SFMBT2: variants seen among roughly 807,000 people sequenced by gnomAD.
SFMBT2 encodes Scm like with four mbt domains 2, also known as scm-like with four MBT domains protein 2.
Under a neutral mutation model 110.1 loss-of-function variants are expected in SFMBT2, and 38 were observed. That is an observed-to-expected ratio of 0.35 (90% confidence interval 0.27 to 0.45). The LOEUF (loss-of-function observed/expected upper bound fraction) is 0.45, where lower values mean the gene tolerates loss of function less well. Ranked by LOEUF, SFMBT2 falls within the 20% of genes least tolerant of loss-of-function variation. The pLI, the probability that SFMBT2 is intolerant of heterozygous loss-of-function variation, is 1.00. For missense variants in SFMBT2, 1,011 were observed against 1,094.9 expected, an observed-to-expected ratio of 0.92 and a Z score of 1.08; for synonymous variants, 425 against 425.4, an observed-to-expected ratio of 1.00 and a Z score of 0.01.
At chr10:7,197,950 T>C (rs1215846528) in intron 14 of SFMBT2, 1 of 980,270 alleles carries the variant, frequency 1.0e-6, no homozygotes, top group Non-Finnish European at 1.2e-6. Flanking sequence ...GAAAAACAGA[T>C]GATTTTCTTC....
At chr10:7,183,228 G>A (rs1041637648) in intron 16 of SFMBT2, among the ~76,000 whole-genome samples, 1 of 152,206 alleles carries the variant, frequency 6.6e-6, no homozygotes, top group African/African-American at 2.4e-5. Flanking sequence ...CCAGGAAGGA[G>A]AGCTTTCATC....
At position 7,171,062 on chromosome 10, in the gene SFMBT2, G is replaced by A; in HGVS notation, c.2416-6C>T. On this transcript the variant is annotated splice_region_variant and splice_polypyrimidine_tract_variant and intron_variant, in intron 19 of 20. Transcript: ENST00000397167. The surrounding 1 kb of genome is among the most constrained non-coding windows in gnomAD (Gnocchi z 4.9). The stretch of plus-strand genomic sequence containing the variant: ...TCCTCCTCCTGTTTCGTGTCCTGCA[G>A]AGAAAGGGCAGGAGGAGCTCAGCTG... 6.2e-7 allele frequency: 1 copy of A among 1,614,108 alleles called. No individual in the cohort carries two copies. Among genetic ancestry groups the A allele is most frequent in the Non-Finnish European group, 8.5e-7 (1 of 1,179,984 alleles).
chr10:7,347,859 T>C (rs374931327), intron 4 of SFMBT2, among the ~76,000 whole-genome samples: 6 of 152,316 alleles, frequency 3.9e-5, no homozygotes, highest in South Asian at 2.1e-4. Context: ...GAATCCTTCA[T>C]AGAAATTCAC....
rs749153123 is a variant in SFMBT2, at chr10:7,306,477, C to T, written c.437-20523G>A. Among the ~76,000 whole-genome samples the T allele has an allele frequency of 3.9e-5, 6 of 152,202 alleles. No homozygotes were observed. The East Asian group carries it at 5.8e-4, about 15-fold the overall frequency. ...CGTGCCACAACAGTGAACTGAGTAG[C>T]GGCAACAGGAACCAGATGGCCCACA... is the stretch of plus-strand genomic sequence containing the variant. On this transcript the variant is annotated intron_variant, in intron 4 of 20. Coordinates refer to ENST00000397167, the MANE Select transcript of SFMBT2 (RefSeq NM_001387889.1).
intron 7 of SFMBT2, chr10:7,248,986 G>T: frequency 3.6e-6 from 1 of 278,538 alleles, no homozygotes; most frequent in Non-Finnish European, 5.4e-6. Context: ...TAACACAGCA[G>T]GGTGTCTTCA....
At chr10:7,261,108 G>A (rs1226737433) in intron 7 of SFMBT2, among the ~76,000 whole-genome samples, 1 of 152,082 alleles carries the variant, frequency 6.6e-6, no homozygotes, top group Non-Finnish European at 1.5e-5. Flanking sequence ...TGCCTCTCGA[G>A]TCAGGTTACT....
chr10:7,209,645 C>T lies in SFMBT2; in HGVS notation c.1331-3717G>A, dbSNP rs11812193. 5.5e-3 allele frequency among the ~76,000 whole-genome samples: 840 copies of T among 152,290 alleles called. 9 individuals carry two copies. The highest frequency in any genetic ancestry group is 0.019 in the African/African-American group (800 of 41,552). On this transcript the variant is annotated intron_variant, in intron 11 of 20. Coordinates refer to ENST00000397167, the MANE Select transcript of SFMBT2 (RefSeq NM_001387889.1). ...CAGAACACTGTGCATATATAGTATG[C>T]TACCATCTGTTTAAAAGGGGGAAAT... is the stretch of plus-strand genomic sequence containing the variant.
At chr10:7,203,856 C>T (rs1839037351) in intron 12 of SFMBT2, 1 of 156,160 alleles carries the variant, frequency 6.4e-6, no homozygotes, top group South Asian at 2.0e-4. Flanking sequence ...GCTGGAATGA[C>T]AGGCATGCAC....
At chr10:7,314,873 A>C (rs1842941246) in intron 4 of SFMBT2, among the ~76,000 whole-genome samples, 1 of 151,722 alleles carries the variant, frequency 6.6e-6, no homozygotes, top group East Asian at 1.9e-4. Flanking sequence ...GTGTCACTGC[A>C]CTTCAGCCTG....
In SFMBT2 at chr10:7,160,258, T is replaced by G. The variant is rs1837515499; in HGVS notation, c.*3512A>C. The G allele has an allele frequency of 6.6e-6, 1 of 152,268 alleles. No homozygotes were observed. The highest frequency in any genetic ancestry group is 1.5e-5 in the Non-Finnish European group (1 of 68,056). The allele number at this position is 152,268 out of a possible 1,614,324, so 9.4% of individuals were successfully genotyped here. A position where few individuals can be genotyped will look rare whatever the true frequency, so the allele number is the denominator to read the frequency against. On this transcript the variant is annotated 3_prime_UTR_variant, in exon 21 of 21. Coordinates refer to ENST00000397167, the MANE Select transcript of SFMBT2 (RefSeq NM_001387889.1). ...CAAAGAAGTTCTGTAATGCCAGTAG[T>G]ACCCTGTTGTTTTTCTAGGTTGTTA...
chr10:7,209,969 C>T (rs186430302), intron 11 of SFMBT2, among the ~76,000 whole-genome samples: 1 of 152,274 alleles, frequency 6.6e-6, no homozygotes, highest in East Asian at 1.9e-4. Flanking sequence ...TAATGAGGGG[C>T]CAATTACCAT....
intron 20 of SFMBT2, among the ~76,000 whole-genome samples, chr10:7,164,757 A>T (rs1837649914): frequency 7.4e-6 from 1 of 135,664 alleles, no homozygotes; most frequent in African/African-American, 3.6e-5. Flanking sequence ...ACACACACAC[A>T]CACACACACA....
chr10:7,202,536 A>G lies in SFMBT2; in HGVS notation c.1445-14T>C. On this transcript the variant is annotated splice_polypyrimidine_tract_variant and intron_variant, in intron 12 of 20. Transcript: ENST00000397167. ...TCTTCTTTTGTGCTGTAGAAAAGGC[A>G]AAACGGAAAAAGAAAATCAGCTTTG... is the stretch of plus-strand genomic sequence containing the variant. 6.2e-7 allele frequency: 1 copy of G among 1,614,210 alleles called. No individual in the cohort carries two copies. Among genetic ancestry groups the G allele is most frequent in the Middle Eastern group, 1.6e-4 (1 of 6,062 alleles).
chr10:7,354,047 A>G (rs1466800624), intron 4 of SFMBT2, among the ~76,000 whole-genome samples: 1 of 151,356 alleles, frequency 6.6e-6, no homozygotes, highest in Non-Finnish European at 1.5e-5. Context: ...AGATCACGCT[A>G]CTGCACTCCA....
intron 13 of SFMBT2, among the ~76,000 whole-genome samples, 193 bp from the exon 14 acceptor site, chr10:7,200,677 A>G (rs1838925442): frequency 6.6e-6 from 1 of 152,226 alleles, no homozygotes; most frequent in African/African-American, 2.4e-5. Flanking sequence ...TTGTTGTCCA[A>G]TTCTTTGGAT....
At chr10:7,181,441 G>A (rs377541273) in intron 16 of SFMBT2, among the ~76,000 whole-genome samples, 2 of 152,090 alleles carry the variant, frequency 1.3e-5, no homozygotes, top group South Asian at 2.1e-4. Flanking sequence ...TGGGGGTGAC[G>A]GGGCATCAGG....
chr10:7,227,999 A>T (rs1325875591), intron 9 of SFMBT2, 62 bp from the exon 10 acceptor site: 2 of 1,287,522 alleles, frequency 1.6e-6, no homozygotes, highest in Non-Finnish European at 1.1e-6. Flanking sequence ...ACAGATGAGC[A>T]AAATCAGAAG....
Position 7,163,895 on chromosome 10 carries a change from C to A in SFMBT2, c.2560G>T (p.Ala854Ser). 1 of 1,613,294 alleles carries A rather than the reference C, an allele frequency of 6.2e-7. No individual in the cohort carries two copies. The highest frequency in any genetic ancestry group is 8.5e-7 in the Non-Finnish European group (1 of 1,179,702). Residue 854 changes from alanine to serine, a missense_variant, in exon 21 of 21, where the codon GCA (alanine) becomes TCA (serine). By Grantham distance (99) the Ala-to-Ser change is moderately conservative. Coordinates refer to ENST00000397167, the MANE Select transcript of SFMBT2 (RefSeq NM_001387889.1). This position sits in a 1 kb window ranked among gnomAD's most constrained non-coding sequence, Gnocchi z 4.8. The stretch of plus-strand genomic sequence containing the variant: ...GTCGGAAGGGTCAGAAGCAGGAGTG[C>A]TTGGCCGTCAATATCCTGCAGGAAA... ...IFQEQDIDGQ[A>S]LLLLTLPTVQ... is the part of the protein sequence containing the mutation.
At chr10:7,370,456 T>C (rs1006080478) in intron 2 of SFMBT2, 81 bp from the exon 3 acceptor site, 28 of 1,181,062 alleles carry the variant, frequency 2.4e-5, no homozygotes, top group Non-Finnish European at 3.4e-5. Flanking sequence ...GACCAGAAAA[T>C]CCTTCATACA....
Sources: gnomAD v4.1 joint callset for allele counts (sites outside exome capture counted in the v4.1 genomes callset) on GRCh38, gnomAD v4.1.1 for gene constraint, Gnocchi (gnomAD v3.1) non-coding constraint, MANE v1.5 for transcripts, NCBI Gene and HGNC (gene_info 2026-07-23, HGNC 2026-07-21) for gene names.